The following CD99 variants were observed in gnomAD, a reference collection of about 807,000 sequenced individuals.
CD99 encodes CD99 antigen.
CD99 carries 19 observed loss-of-function variants against 28.4 expected under a neutral mutation model. The observed-to-expected ratio is 0.67, with a 90% CI of 0.47 to 0.98. The LOEUF (loss-of-function observed/expected upper bound fraction) is 0.98. Among genes scored for constraint, CD99 ranks in the 50% least tolerant of loss-of-function variants. The probability of loss-of-function intolerance (pLI) is 0.00; values close to 1 mark genes in which losing one functional copy is unlikely to be tolerated. For missense variants in CD99, 283 were observed against 248.8 expected (o/e 1.14, Z -0.92); for synonymous variants, 103 against 92.1 (o/e 1.12, Z -0.67).
At chrX:2,725,979 G>A (rs1057230690) in intron 7 of CD99, among the ~76,000 whole-genome samples, 3 of 152,084 alleles carry the variant, frequency 2.0e-5, no homozygotes, top group East Asian at 1.9e-4. Context: ...GCTTCTGCCC[G>A]TACCTCGCTG....
intron 8 of CD99, among the ~76,000 whole-genome samples, chrX:2,731,143 G>A (rs1207579675): frequency 6.6e-6 from 1 of 152,140 alleles, no homozygotes; most frequent in African/African-American, 2.4e-5. Flanking sequence ...TCCGGAAGAC[G>A]AAAGATGTCA....
At chrX:2,709,295 AAC>A (rs1053845928) in intron 1 of CD99, among the ~76,000 whole-genome samples, 8 of 115,380 alleles carry the variant, frequency 6.9e-5, no homozygotes, top group South Asian at 2.6e-4. Context: ...CACACATGAA[AAC>A]ACACAAGCAC....
At chrX:2,709,500 TCA>T (rs1055439031) in intron 1 of CD99, among the ~76,000 whole-genome samples, 104 of 151,506 alleles carry the variant, frequency 6.9e-4, no homozygotes, top group African/African-American at 2.3e-3. Context: ...TTCAGCACAC[TCA>T]CAATGCACAT....
At chrX:2,707,394 C>T (rs1186443113) in intron 1 of CD99, among the ~76,000 whole-genome samples, 2 of 152,114 alleles carry the variant, frequency 1.3e-5, no homozygotes, top group Non-Finnish European at 2.9e-5. Flanking sequence ...TCTCCTCCTG[C>T]GTTTGCCCCG....
intron 8 of CD99, among the ~76,000 whole-genome samples, chrX:2,731,804 T>C (rs1184257597): frequency 1.3e-5 from 2 of 152,074 alleles, no homozygotes; most frequent in Non-Finnish European, 2.9e-5. Flanking sequence ...TGACTTGATA[T>C]AGATTTACTG....
Position 2,740,659 on chromosome X carries a change from T to A in CD99, c.533-120T>A, listed in dbSNP as rs1182227321. On this transcript the variant is annotated intron_variant, in intron 9 of 9. Coordinates refer to ENST00000381192, the MANE Select transcript of CD99 (RefSeq NM_002414.5). Reference sequence around the variant, plus strand: ...AGGGTTTTGCTTTCTCGTGATGAGTTTTGGGCCCATTTTTCTTATGCAGAA... The same window carrying A: ...AGGGTTTTGCTTTCTCGTGATGAGTATTGGGCCCATTTTTCTTATGCAGAA... 5 of 897,476 alleles carry A rather than the reference T, an allele frequency of 5.6e-6. No homozygotes were observed. The East Asian group carries it at 1.2e-4, about 22-fold the overall frequency. The allele number at this position is 897,476 out of a possible 1,614,324, so 55.6% of individuals were successfully genotyped here.
At chrX:2,696,549 C>T (rs1309444712) in intron 1 of CD99, among the ~76,000 whole-genome samples, 5 of 152,112 alleles carry the variant, frequency 3.3e-5, no homozygotes, top group South Asian at 2.1e-4. Context: ...TACAGGTGCC[C>T]GCCACCACAC....
At chrX:2,730,923 C>G (rs899735148) in intron 8 of CD99, among the ~76,000 whole-genome samples, 143 of 91,720 alleles carry the variant, frequency 1.6e-3, no homozygotes, top group Admixed American at 4.4e-3. Context: ...GAGTGAGACT[C>G]TGTCTCAAAA....
intron 2 of CD99, chrX:2,714,842 AGGTCCGCCTGTATGT>A: frequency 5.6e-6 from 1 of 179,082 alleles, no homozygotes. Flanking sequence ...GCAGTGAAGG[AGGTCCGCCTGTATGT>A]GTCCACCTGC....
chrX:2,703,577 A>G (rs1369090027), intron 1 of CD99, among the ~76,000 whole-genome samples: 1 of 151,012 alleles, frequency 6.6e-6, no homozygotes, highest in Non-Finnish European at 1.5e-5. Context: ...TTGAATAACA[A>G]AGCTGTAATT....
chrX:2,707,715 T>C (rs2048190854), intron 1 of CD99, among the ~76,000 whole-genome samples: 1 of 152,104 alleles, frequency 6.6e-6, no homozygotes, highest in South Asian at 2.1e-4. Flanking sequence ...TCTTTGCAAA[T>C]TTGCAGAGAG....
At chrX:2,738,441 C>G (rs1046836769) in intron 9 of CD99, among the ~76,000 whole-genome samples, 185 bp downstream of exon 9, 5 of 152,136 alleles carry the variant, frequency 3.3e-5, no homozygotes, top group African/African-American at 9.7e-5. Flanking sequence ...TGTAAACTTC[C>G]TAGGGCCTGG....
At chrX:2,702,136 T>C (rs756170119) in intron 1 of CD99, among the ~76,000 whole-genome samples, 2 of 152,256 alleles carry the variant, frequency 1.3e-5, no homozygotes, top group African/African-American at 4.8e-5. Flanking sequence ...TGGTAATACT[T>C]GTGAGAAAGC....
chrX:2,722,725 C>T (rs1392395595), intron 6 of CD99, 51 bp downstream of exon 6: 2 of 1,540,114 alleles, frequency 1.3e-6, no homozygotes, highest in Non-Finnish European at 1.8e-6. Context: ...CCATGATGCC[C>T]ACCTGCTCTG....
chrX:2,720,642 T>A (rs1285073144), intron 5 of CD99, among the ~76,000 whole-genome samples: 2 of 133,390 alleles, frequency 1.5e-5, no homozygotes, highest in South Asian at 4.7e-4. Context: ...TTTTTTTTTT[T>A]GAGACAGAGT....
chrX:2,692,237 TTTTTTCATGTTATAAA>T (rs2047347853), intron 1 of CD99: 1 of 314,106 alleles, frequency 3.2e-6, no homozygotes, highest in South Asian at 3.7e-5. Flanking sequence ...TTATAAATTC[TTTTTTCATGTTATAAA>T]TTCTTTTTTC....
At chrX:2,736,809 A>G (rs1267323032) in intron 8 of CD99, among the ~76,000 whole-genome samples, 5 of 152,012 alleles carry the variant, frequency 3.3e-5, no homozygotes, top group Non-Finnish European at 2.9e-5. Context: ...GTGAGCTGAT[A>G]TCGCGCCACT....
chrX:2,708,184 T>G (rs957090465), intron 1 of CD99, among the ~76,000 whole-genome samples: 10 of 152,044 alleles, frequency 6.6e-5, no homozygotes, highest in Admixed American at 2.6e-4. Context: ...TCCCTTCACA[T>G]ACATAGGGAA....
At chrX:2,724,186 A>G (rs1423699303) in intron 7 of CD99, among the ~76,000 whole-genome samples, 1 of 152,160 alleles carries the variant, frequency 6.6e-6, no homozygotes, top group Non-Finnish European at 1.5e-5. Context: ...AAGAAAACAC[A>G]TGTCTGGCAT....
Sources: gnomAD v4.1 joint callset for allele counts (sites outside exome capture counted in the v4.1 genomes callset) on GRCh38, gnomAD v4.1.1 for gene constraint, MANE v1.5 for transcripts, NCBI Gene and HGNC (gene_info 2026-07-23, HGNC 2026-07-21) for gene names.